Variants in ETV6 observed in about 807,000 individuals in gnomAD.
ETV6 encodes the protein transcription factor ETV6.
Under a neutral mutation model 51.1 loss-of-function variants are expected in ETV6, and 16 were observed. That is an observed-to-expected ratio of 0.31 (90% CI 0.21 to 0.48). The LOEUF (loss-of-function observed/expected upper bound fraction) is 0.48. ETV6 is among the 20% of genes least tolerant of loss of function. ETV6 has a pLI of 0.99. For missense variants in ETV6, 458 were observed against 594.8 expected, an observed-to-expected ratio of 0.77 and a Z score of 2.39; for synonymous variants, 240 against 224.1, an observed-to-expected ratio of 1.07 and a Z score of -0.64.
chr12:11,703,812 T>G (rs1298975516), intron 1 of ETV6, among the ~76,000 whole-genome samples: 2 of 152,186 alleles, frequency 1.3e-5, no homozygotes, highest in Non-Finnish European at 2.9e-5. Context: ...ATTATGTAAT[T>G]CCTTTCAATT....
chr12:11,782,805 T>A (rs1945431164), intron 2 of ETV6, among the ~76,000 whole-genome samples: 1 of 152,234 alleles, frequency 6.6e-6, no homozygotes, highest in East Asian at 1.9e-4. Flanking sequence ...ACCTCAGGTG[T>A]GTTGACAGAA....
chr12:11,733,933 A>G (rs1200914769), intron 1 of ETV6, among the ~76,000 whole-genome samples: 1 of 152,214 alleles, frequency 6.6e-6, no homozygotes, highest in Admixed American at 6.5e-5. Flanking sequence ...ATGTTAATCA[A>G]AAGAAGCAAA....
intron 1 of ETV6, among the ~76,000 whole-genome samples, chr12:11,726,091 A>G (rs1290439176): frequency 6.6e-6 from 1 of 152,244 alleles, no homozygotes; most frequent in Non-Finnish European, 1.5e-5. Context: ...GTGTATCCAC[A>G]GTGCCTCTTA....
intron 5 of ETV6, among the ~76,000 whole-genome samples, chr12:11,871,447 C>T (rs951801070): frequency 4.6e-5 from 7 of 152,020 alleles, no homozygotes; most frequent in Admixed American, 6.6e-5. Context: ...GCGTCGGCCT[C>T]CTAAAGTGCT....
intron 2 of ETV6, among the ~76,000 whole-genome samples, chr12:11,837,030 G>C (rs1316591570): frequency 6.6e-6 from 1 of 152,152 alleles, no homozygotes; most frequent in African/African-American, 2.4e-5. Context: ...TTAGGTTTAA[G>C]GTTTTTACCA....
At chr12:11,827,801 CTG>C (rs543209134) in intron 2 of ETV6, among the ~76,000 whole-genome samples, 198 of 152,316 alleles carry the variant, frequency 1.3e-3, no homozygotes, top group African/African-American at 4.6e-3. Flanking sequence ...GTTCTGCAGA[CTG>C]TGCCGGGCAC....
chr12:11,771,865 T>C (rs1232561925), intron 2 of ETV6, among the ~76,000 whole-genome samples: 1 of 152,204 alleles, frequency 6.6e-6, no homozygotes, highest in East Asian at 1.9e-4. Context: ...GGAGCAAGAA[T>C]GTAACTTGGA....
At chr12:11,811,355 G>A (rs1276535442) in intron 2 of ETV6, among the ~76,000 whole-genome samples, 1 of 152,222 alleles carries the variant, frequency 6.6e-6, no homozygotes, top group Non-Finnish European at 1.5e-5. Context: ...AATATGCTAT[G>A]GTGACCTGGC....
chr12:11,734,842 G>A (rs1182720366), intron 1 of ETV6, among the ~76,000 whole-genome samples: 9 of 152,126 alleles, frequency 5.9e-5, no homozygotes, highest in Admixed American at 1.3e-4. Flanking sequence ...CTTCCAAGCC[G>A]TAGCTCTTAA....
chr12:11,652,586 G>T (rs1045625118), intron 1 of ETV6, among the ~76,000 whole-genome samples: 1 of 152,172 alleles, frequency 6.6e-6, no homozygotes, highest in Non-Finnish European at 1.5e-5. Context: ...ACTGTGGAGA[G>T]GTTTTTCCCA....
At chr12:11,676,349 T>C (rs969633760) in intron 1 of ETV6, among the ~76,000 whole-genome samples, 1 of 152,228 alleles carries the variant, frequency 6.6e-6, no homozygotes, top group Non-Finnish European at 1.5e-5. Context: ...CATCCTGTTT[T>C]CCTAGACCAT....
At chr12:11,750,040 C>T (rs1425428062) in intron 1 of ETV6, among the ~76,000 whole-genome samples, 4 of 152,296 alleles carry the variant, frequency 2.6e-5, no homozygotes, top group Non-Finnish European at 4.4e-5. Flanking sequence ...TCATCTCTGG[C>T]CTTCCTTTTA....
intron 1 of ETV6, among the ~76,000 whole-genome samples, chr12:11,666,437 A>G (rs1245695985): frequency 6.6e-6 from 1 of 152,200 alleles, no homozygotes; most frequent in African/African-American, 2.4e-5. Flanking sequence ...GTTATGTCTT[A>G]CGGATGGTAG....
intron 2 of ETV6, among the ~76,000 whole-genome samples, chr12:11,805,976 CATGGAT>C (rs1945823683): frequency 6.6e-6 from 1 of 152,170 alleles, no homozygotes; most frequent in African/African-American, 2.4e-5. Context: ...TTGCTCAACT[CATGGAT>C]ATGAAGGGCA....
chr12:11,892,843 G>GCAAA lies in ETV6; in HGVS notation c.*1800_*1803dup, dbSNP rs1160351384. The GCAAA allele has an allele frequency of 4.3e-6, 1 of 232,862 alleles. No homozygotes were observed. The highest frequency in any genetic ancestry group is 1.8e-4 in the South Asian group (1 of 5,530). 14.4% of individuals were successfully genotyped at this position (232,862 alleles called of 1,614,324 possible). ...ACTGACAAGGACACCAACCTAGGGTGCAAACAGATGGACTATGGTTCAAGG... is the reference window on the plus strand; with the variant it reads ...ACTGACAAGGACACCAACCTAGGGTGCAAACAAACAGATGGACTATGGTTCAAGG... On this transcript the variant is annotated 3_prime_UTR_variant, in exon 8 of 8. Transcript: ENST00000396373.
At chr12:11,805,542 G>A (rs559246609) in intron 2 of ETV6, among the ~76,000 whole-genome samples, 34 of 152,308 alleles carry the variant, frequency 2.2e-4, no homozygotes, top group African/African-American at 6.5e-4. Flanking sequence ...CTGGTGTGTC[G>A]CATACATTTA....
At chr12:11,840,930 A>G (rs1030125282) in intron 3 of ETV6, 7 of 165,862 alleles carry the variant, frequency 4.2e-5, no homozygotes, top group Non-Finnish European at 9.3e-5. Flanking sequence ...ACTCAGAGAT[A>G]TTATACTCAA....
chr12:11,706,972 A>G (rs1865083700), intron 1 of ETV6, among the ~76,000 whole-genome samples: 1 of 152,202 alleles, frequency 6.6e-6, no homozygotes, highest in South Asian at 2.1e-4. Flanking sequence ...GAAAAGGAAG[A>G]CAAACCTGTA....
At chr12:11,747,987 G>A (rs929094987) in intron 1 of ETV6, among the ~76,000 whole-genome samples, 15 of 152,140 alleles carry the variant, frequency 9.9e-5, no homozygotes, top group Non-Finnish European at 1.8e-4. Context: ...AGTTGACGAC[G>A]GTACAAGCAT....
Sources: allele counts gnomAD v4.1 joint callset (sites outside exome capture counted in the v4.1 genomes callset), GRCh38; gene constraint gnomAD v4.1.1; transcripts MANE v1.5; gene names NCBI Gene and HGNC (gene_info 2026-07-23, HGNC 2026-07-21).